The following ADAP1 variants were observed in gnomAD, a reference collection of about 807,000 sequenced individuals.
ADAP1 encodes the protein arf-GAP with dual PH domain-containing protein 1.
A neutral mutation model predicts 54.9 loss-of-function variants in ADAP1; 31 were observed. The observed-to-expected ratio is 0.56, with a 90% CI of 0.42 to 0.76. The LOEUF (loss-of-function observed/expected upper bound fraction) is 0.76. Among genes scored for constraint, ADAP1 ranks in the 30% least tolerant of loss-of-function variants. The probability of loss-of-function intolerance (pLI) is 0.00; values close to 1 mark genes in which losing one functional copy is unlikely to be tolerated. For synonymous variants in ADAP1, 313 were observed against 202.6 expected (o/e 1.55, Z -4.63); for missense variants, 535 against 512.4 (o/e 1.04, Z -0.42).
At chr7:928,039 G>A (rs1199959189) in intron 2 of ADAP1, among the ~76,000 whole-genome samples, 1 of 133,994 alleles carries the variant, frequency 7.5e-6, no homozygotes, top group Non-Finnish European at 1.6e-5. Context: ...AACATAGTGA[G>A]ACCCTGTCTC....
At position 920,894 on chromosome 7, in the gene ADAP1, C is replaced by G; in HGVS notation, c.306-844G>C. On this transcript the variant is annotated intron_variant, in intron 3 of 10. Coordinates refer to ENST00000265846, the MANE Select transcript of ADAP1 (RefSeq NM_006869.4). This position sits in a 1 kb window ranked among gnomAD's most constrained non-coding sequence, Gnocchi z 4.5. Reference sequence around the variant, plus strand: ...TTTCCACTCCCAGGGAATTACGCGGCAAAGAACAAATAGGAACCCTGTGGC... The same window carrying G: ...TTTCCACTCCCAGGGAATTACGCGGGAAAGAACAAATAGGAACCCTGTGGC... 1 of 1,549,044 alleles carries G rather than the reference C, an allele frequency of 6.5e-7. No individual in the cohort carries two copies. The highest frequency in any genetic ancestry group is 8.7e-7 in the Non-Finnish European group (1 of 1,146,164).
At position 898,877 on chromosome 7, in the gene ADAP1, C is replaced by T. The variant is rs1384284197; in HGVS notation, c.*44G>A. 1.3e-6 allele frequency: 2 copies of T among 1,572,486 alleles called. No individual in the cohort carries two copies. Among genetic ancestry groups the T allele is most frequent in the Non-Finnish European group, 1.7e-6 (2 of 1,160,822 alleles). ...CCCCCATCCACGGGTCCCCTCCGTC[C>T]AGCCACAGTGAGTCCAATGTCCGTG... is the stretch of plus-strand genomic sequence containing the variant. On this transcript the variant is annotated 3_prime_UTR_variant, in exon 11 of 11. Transcript: ENST00000265846.
Position 954,661 on chromosome 7 carries a change from G to A in ADAP1, c.-184C>T. 1 of 982,398 alleles carries A rather than the reference G, an allele frequency of 1.0e-6. No homozygotes were observed. Among genetic ancestry groups the A allele is most frequent in the Non-Finnish European group, 1.2e-6 (1 of 829,238 alleles). 60.9% of individuals were successfully genotyped at this position (982,398 alleles called of 1,614,324 possible). A position where few individuals can be genotyped will look rare whatever the true frequency, so the allele number is the denominator to read the frequency against. On this transcript the variant is annotated 5_prime_UTR_variant, in exon 1 of 11. Coordinates refer to ENST00000265846, the MANE Select transcript of ADAP1 (RefSeq NM_006869.4). ...CTCCGCCGCCGCCGCTCGTGTCTCC[G>A]CCGCGGTCGCTGAGCGAGTGCCGGC...
chr7:947,416 C>G (rs1011178974), intron 1 of ADAP1, among the ~76,000 whole-genome samples: 2 of 152,004 alleles, frequency 1.3e-5, no homozygotes, highest in Non-Finnish European at 2.9e-5. Flanking sequence ...CTGTCTCTAG[C>G]TCGGGCCTCT....
At position 903,987 on chromosome 7, in the gene ADAP1, C is replaced by CCGA. The variant is rs1327941865; in HGVS notation, c.648+136_648+138dup. The CCGA allele has an allele frequency of 4.2e-6, 5 of 1,188,968 alleles. No individual in the cohort carries two copies. In the African/African-American group the frequency reaches 7.9e-5, roughly 19 times the overall value. The allele number at this position is 1,188,968 out of a possible 1,614,324, so 73.7% of individuals were successfully genotyped here. A position where few individuals can be genotyped will look rare whatever the true frequency, so the allele number is the denominator to read the frequency against. On this transcript the variant is annotated intron_variant, in intron 6 of 10. Coordinates refer to ENST00000265846, the MANE Select transcript of ADAP1 (RefSeq NM_006869.4). ...CACCCGCCTTCCCACGCTGCCCAGC[C>CCGA]CGACTTCCCGCCTTCTCATGCCGCC...
intron 5 of ADAP1, among the ~76,000 whole-genome samples, chr7:904,624 G>C (rs115107801): frequency 1.4e-4 from 22 of 152,280 alleles, no homozygotes; most frequent in African/African-American, 4.8e-4. Flanking sequence ...GGCTCAGGGC[G>C]GGTGCTTCTG....
chr7:924,760 C>T (rs1051022345), intron 3 of ADAP1, among the ~76,000 whole-genome samples: 11 of 151,892 alleles, frequency 7.2e-5, no homozygotes, highest in Non-Finnish European at 1.2e-4. Context: ...TGTCAGCCCC[C>T]GGTCCCGACT....
intron 1 of ADAP1, among the ~76,000 whole-genome samples, chr7:941,146 G>C (rs1473378964): frequency 6.6e-6 from 1 of 152,154 alleles, no homozygotes; most frequent in Non-Finnish European, 1.5e-5. Flanking sequence ...ACTAAGAATA[G>C]AGGGTAATTT....
intron 1 of ADAP1, among the ~76,000 whole-genome samples, chr7:952,363 A>G (rs1235055892): frequency 6.6e-6 from 1 of 152,154 alleles, no homozygotes. Context: ...GGTCTGCACC[A>G]GCCGTGAGCC....
At position 920,693 on chromosome 7, in the gene ADAP1, C is replaced by T. The variant is rs764211646; in HGVS notation, c.306-643G>A. The T allele has an allele frequency of 2.5e-4, 275 of 1,100,732 alleles. No individual in the cohort carries two copies. Among genetic ancestry groups the T allele is most frequent in the Middle Eastern group, 4.2e-4 (2 of 4,726 alleles). 68.2% of individuals were successfully genotyped at this position (1,100,732 alleles called of 1,614,324 possible). ...TGAGGAGAAGCCCCCGAGAGTAAAG[C>T]CCGGGACGAGGGCCCCCCACGGCAC... is the stretch of plus-strand genomic sequence containing the variant. On this transcript the variant is annotated intron_variant, in intron 3 of 10. Coordinates refer to ENST00000265846, the MANE Select transcript of ADAP1 (RefSeq NM_006869.4). This position sits in a 1 kb window ranked among gnomAD's most constrained non-coding sequence, Gnocchi z 4.5.
chr7:932,279 C>G (rs1291886595), intron 2 of ADAP1, among the ~76,000 whole-genome samples: 1 of 152,182 alleles, frequency 6.6e-6, no homozygotes, highest in Non-Finnish European at 1.5e-5. Flanking sequence ...TCCTCTCCAG[C>G]CTTCCTCTCC....
At chr7:902,932 G>A (rs915668897) in intron 6 of ADAP1, among the ~76,000 whole-genome samples, 1 of 152,234 alleles carries the variant, frequency 6.6e-6, no homozygotes, top group Non-Finnish European at 1.5e-5. Flanking sequence ...AAGCCAGGCA[G>A]GAGGTAGAAC....
At chr7:927,402 C>G (rs1028636064) in intron 2 of ADAP1, 13 of 513,072 alleles carry the variant, frequency 2.5e-5, no homozygotes, top group Non-Finnish European at 4.4e-5. Flanking sequence ...CCACACCCCA[C>G]GCCAGCCCCG....
intron 4 of ADAP1, among the ~76,000 whole-genome samples, chr7:906,767 AT>A: frequency 1.4e-4 from 1 of 6,922 alleles, no homozygotes; most frequent in South Asian, 4.7e-3. Flanking sequence ...GACAGGGGAC[AT>A]GGGGGACAGG....
At chr7:908,004 G>A (rs966652329) in intron 4 of ADAP1, among the ~76,000 whole-genome samples, 5 of 152,160 alleles carry the variant, frequency 3.3e-5, no homozygotes, top group Admixed American at 1.3e-4. Context: ...GCCGTCTGCT[G>A]AGCATCCGTG....
rs1844971797 is a variant in ADAP1, at chr7:904,199, G to C, written c.575C>G (p.Pro192Arg). 9 of 1,611,968 alleles carry C rather than the reference G, an allele frequency of 5.6e-6. No individual in the cohort carries two copies. Among genetic ancestry groups the C allele is most frequent in the South Asian group, 2.2e-5 (2 of 91,048 alleles). The change falls in exon 6 of 11, where the codon CCC (proline) becomes CGC (arginine). Residue 192 changes from proline (P) to arginine (R), a missense_variant. Coordinates refer to ENST00000265846, the MANE Select transcript of ADAP1 (RefSeq NM_006869.4). Reference protein sequence around the residue: ...ATFQPAKIGHPHGLQVTYLKD... With the variant: ...ATFQPAKIGHRHGLQVTYLKD... ...CAGGTAGGTGACCTGCAGGCCGTGGGGGTGGCCGATCTTGGCCGGCTGGAA... is the reference window on the plus strand; with the variant it reads ...CAGGTAGGTGACCTGCAGGCCGTGGCGGTGGCCGATCTTGGCCGGCTGGAA...
chr7:904,221 G>A lies in ADAP1; in HGVS notation c.553C>T (p.Gln185Ter). The change falls in exon 6 of 11, where the codon CAG (glutamine) becomes TAG (stop). Residue 185 changes from glutamine to a stop codon, truncating the protein, a stop_gained. Coordinates refer to ENST00000265846, the MANE Select transcript of ADAP1 (RefSeq NM_006869.4). LOFTEE classifies it high-confidence loss of function. The stretch of plus-strand genomic sequence containing the variant: ...TGGGGGTGGCCGATCTTGGCCGGCT[G>A]GAAGGTGGCGTTCAGGTGCTCGATC... ...MKIEHLNATF[Q>*]PAKIGHPHGL... 1 of 1,610,792 alleles carries A rather than the reference G, an allele frequency of 6.2e-7. No individual in the cohort carries two copies. The highest frequency in any genetic ancestry group is 8.5e-7 in the Non-Finnish European group (1 of 1,178,844).
At chr7:952,418 C>A (rs1008870898) in intron 1 of ADAP1, among the ~76,000 whole-genome samples, 2 of 152,216 alleles carry the variant, frequency 1.3e-5, no homozygotes, top group Non-Finnish European at 2.9e-5. Flanking sequence ...GTGCCGGCCA[C>A]CCCAGCCCCC....
rs1159095852 is a variant in ADAP1, at chr7:926,659, G to T, written c.214-15C>A. 1 of 1,536,074 alleles carries T rather than the reference G, an allele frequency of 6.5e-7. No homozygotes were observed. Among genetic ancestry groups the T allele is most frequent in the African/African-American group, 1.4e-5 (1 of 71,656 alleles). The stretch of plus-strand genomic sequence containing the variant: ...GAGGCCATGAACTGCAAGAGAGGAG[G>T]GGCCGGGTCAGAGGCCTGGGGTCCC... On this transcript the variant is annotated splice_polypyrimidine_tract_variant and intron_variant, in intron 2 of 10. Coordinates refer to ENST00000265846, the MANE Select transcript of ADAP1 (RefSeq NM_006869.4). The surrounding 1 kb of genome is among the most constrained non-coding windows in gnomAD (Gnocchi z 4.6).
Sources: allele counts gnomAD v4.1 joint callset (sites outside exome capture counted in the v4.1 genomes callset), GRCh38; gene constraint gnomAD v4.1.1; non-coding constraint Gnocchi (gnomAD v3.1); transcripts MANE v1.5; gene names NCBI Gene and HGNC (gene_info 2026-07-23, HGNC 2026-07-21).